Variants in RASGRP3 observed in about 807,000 individuals in gnomAD.
RASGRP3 encodes the protein ras guanyl-releasing protein 3.
RASGRP3 carries 54 observed loss-of-function variants against 82.7 expected under a neutral mutation model. That is an observed-to-expected ratio of 0.65 (90% CI 0.52 to 0.82). RASGRP3 has a LOEUF of 0.82. RASGRP3 is among the 40% of genes least tolerant of loss of function. The probability of loss-of-function intolerance (pLI) is 0.00; values close to 1 mark genes in which losing one functional copy is unlikely to be tolerated. For missense variants in RASGRP3, 861 were observed against 828.9 expected (o/e 1.04, Z -0.48); for synonymous variants, 309 against 300.5 (o/e 1.03, Z -0.29).
intron 14 of RASGRP3, 134 bp downstream of exon 14, chr2:33,549,885 A>G: frequency 8.7e-7 from 1 of 1,144,248 alleles, no homozygotes; most frequent in East Asian, 2.7e-5. Flanking sequence ...GCTCCCTGAA[A>G]TTGAAGATTA....
intron 2 of RASGRP3, among the ~76,000 whole-genome samples, chr2:33,457,804 C>T (rs1666122836): frequency 6.6e-6 from 1 of 152,102 alleles, no homozygotes; most frequent in Non-Finnish European, 1.5e-5. Flanking sequence ...TCTTAACCCT[C>T]ACCACACTAC....
At chr2:33,514,725 A>T (rs12233054) in intron 2 of RASGRP3, among the ~76,000 whole-genome samples, 52,949 of 151,800 alleles carry the variant, frequency 0.35, 10,511 homozygotes, top group Middle Eastern at 0.55. Flanking sequence ...AAAAAAAAGG[A>T]TATAAGGAAA....
At chr2:33,460,071 G>A (rs368980788) in intron 2 of RASGRP3, among the ~76,000 whole-genome samples, 2 of 152,276 alleles carry the variant, frequency 1.3e-5, no homozygotes, top group African/African-American at 2.4e-5. Flanking sequence ...AAAAGCATTA[G>A]CAACTAAAGA....
chr2:33,482,360 G>C (rs1287979698), intron 1 of RASGRP3: 1 of 152,152 alleles, frequency 6.6e-6, no homozygotes, highest in African/African-American at 2.4e-5. Context: ...TCATTTTTCT[G>C]TCTTGAAGAC....
chr2:33,518,490 T>TTA (rs1671672700), intron 4 of RASGRP3, among the ~76,000 whole-genome samples: 2 of 152,156 alleles, frequency 1.3e-5, no homozygotes, highest in Admixed American at 1.3e-4. Context: ...ATTGTAGACT[T>TTA]TATAGACACT....
chr2:33,516,658 T>G lies in RASGRP3; in HGVS notation c.173+14T>G. Reference sequence around the variant, plus strand: ...ACTTCTCTGCATATATCTTTTCAACTACTGTGTAATTTTTACAATCATAAA... The same window carrying G: ...ACTTCTCTGCATATATCTTTTCAACGACTGTGTAATTTTTACAATCATAAA... On this transcript the variant is annotated intron_variant, in intron 4 of 17. Transcript: ENST00000403687. The G allele has an allele frequency of 6.8e-7, 1 of 1,460,928 alleles. No homozygotes were observed. Among genetic ancestry groups the G allele is most frequent in the Non-Finnish European group, 9.4e-7 (1 of 1,058,542 alleles). The allele number at this position is 1,460,928 out of a possible 1,614,324, so 90.5% of individuals were successfully genotyped here.
At chr2:33,494,478 T>G (rs1039112762) in intron 1 of RASGRP3, among the ~76,000 whole-genome samples, 1 of 152,210 alleles carries the variant, frequency 6.6e-6, no homozygotes, top group Non-Finnish European at 1.5e-5. Flanking sequence ...TACAGGAAAT[T>G]ATCCCAAAGG....
chr2:33,549,332 C>G (rs988183599), intron 13 of RASGRP3, among the ~76,000 whole-genome samples: 2 of 136,262 alleles, frequency 1.5e-5, no homozygotes, highest in African/African-American at 5.0e-5. Context: ...CTGCGGTGCA[C>G]AGGCCACATG....
chr2:33,444,555 G>A (rs1665404004), intron 1 of RASGRP3, among the ~76,000 whole-genome samples: 2 of 152,128 alleles, frequency 1.3e-5, no homozygotes, highest in African/African-American at 4.8e-5. Context: ...GAGCTACGGT[G>A]CCACCCACAG....
chr2:33,467,771 T>C (rs1011168962), intron 2 of RASGRP3, among the ~76,000 whole-genome samples: 2 of 152,172 alleles, frequency 1.3e-5, no homozygotes, highest in African/African-American at 4.8e-5. Flanking sequence ...TTTGGGAATT[T>C]CTACCTAAGG....
intron 1 of RASGRP3, among the ~76,000 whole-genome samples, chr2:33,508,339 A>C (rs1003397139): frequency 6.6e-6 from 1 of 152,224 alleles, no homozygotes; most frequent in African/African-American, 2.4e-5. Context: ...GGCATCTTTA[A>C]GTGCTAAGAA....
intron 1 of RASGRP3, among the ~76,000 whole-genome samples, chr2:33,445,876 A>G (rs1665471730): frequency 6.6e-6 from 1 of 152,216 alleles, no homozygotes. Context: ...AGTCAGGGAC[A>G]AGCGTAAGAG....
upstream of RASGRP3, among the ~76,000 whole-genome samples, chr2:33,473,128 C>T (rs1320958214): frequency 8.6e-5 from 13 of 151,618 alleles, no homozygotes; most frequent in Non-Finnish European, 1.5e-5. Flanking sequence ...TTTGGGAGGC[C>T]AAGGTGGGCA....
intron 1 of RASGRP3, among the ~76,000 whole-genome samples, chr2:33,494,301 G>T (rs1435250751): frequency 6.6e-6 from 1 of 152,294 alleles, no homozygotes; most frequent in East Asian, 1.9e-4. Context: ...GATGAAACCA[G>T]GTGCTTAGAG....
At chr2:33,492,088 T>C (rs1478257610) in intron 1 of RASGRP3, among the ~76,000 whole-genome samples, 1 of 152,200 alleles carries the variant, frequency 6.6e-6, no homozygotes, top group African/African-American at 2.4e-5. Flanking sequence ...AAAATTTCAG[T>C]ATCTTAAATT....
At chr2:33,496,653 C>T (rs1454497522) in intron 1 of RASGRP3, among the ~76,000 whole-genome samples, 2 of 152,096 alleles carry the variant, frequency 1.3e-5, no homozygotes, top group Admixed American at 6.5e-5. Context: ...GTTAGGAGTT[C>T]AAGACCAGCC....
At chr2:33,465,388 C>G (rs577424792) in intron 2 of RASGRP3, among the ~76,000 whole-genome samples, 3 of 152,278 alleles carry the variant, frequency 2.0e-5, no homozygotes, top group Admixed American at 6.5e-5. Flanking sequence ...AGGAATAACA[C>G]TATCTCCATA....
chr2:33,506,124 G>T (rs1670355109), intron 1 of RASGRP3, among the ~76,000 whole-genome samples: 1 of 152,204 alleles, frequency 6.6e-6, no homozygotes, highest in Non-Finnish European at 1.5e-5. Flanking sequence ...CTTCTGTTCA[G>T]TACTTGGTAC....
intron 1 of RASGRP3, among the ~76,000 whole-genome samples, chr2:33,484,538 T>C (rs1402220504): frequency 6.7e-6 from 1 of 148,306 alleles, no homozygotes; most frequent in African/African-American, 2.5e-5. Context: ...TAGAGATCAT[T>C]TTTTTTTTTT....
Sources: gnomAD v4.1 joint callset for allele counts (sites outside exome capture counted in the v4.1 genomes callset) on GRCh38, gnomAD v4.1.1 for gene constraint, MANE v1.5 for transcripts, NCBI Gene and HGNC (gene_info 2026-07-23, HGNC 2026-07-21) for gene names.